The following LIPE variants were observed in gnomAD, a reference collection of about 807,000 sequenced individuals.
LIPE encodes hormone-sensitive lipase.
LIPE carries 66 observed loss-of-function variants against 88.5 expected under a neutral mutation model. The observed-to-expected ratio is 0.75, with a 90% CI of 0.61 to 0.91. The LOEUF (loss-of-function observed/expected upper bound fraction) is 0.91, where lower values mean the gene tolerates loss of function less well. Ranked by LOEUF, LIPE falls within the 40% of genes least tolerant of loss-of-function variation. LIPE has a pLI of 0.00. For missense variants in LIPE, 1,346 were observed against 1,434.7 expected (o/e 0.94, Z 1.00); for synonymous variants, 570 against 617.5 (o/e 0.92, Z 1.14).
chr19:42,401,792 C>G lies in LIPE; in HGVS notation c.*20G>C. On this transcript the variant is annotated 3_prime_UTR_variant, in exon 10 of 10. Transcript: ENST00000244289. ...AAGGCATTCATGACGGAGGCCGGCG[C>G]AGATGGGAACAACAGGCTTTTAGTG... 1 of 1,452,028 alleles carries G rather than the reference C, an allele frequency of 6.9e-7. No homozygotes were observed. The highest frequency in any genetic ancestry group is 2.6e-5 in the Admixed American group (1 of 39,074). 89.9% of individuals were successfully genotyped at this position (1,452,028 alleles called of 1,614,324 possible).
chr19:42,403,067 AGTTTGGTTGT>A (rs758473593), intron 8 of LIPE, 36 bp from the exon 9 acceptor site: 2 of 1,499,154 alleles, frequency 1.3e-6, no homozygotes, highest in South Asian at 2.6e-5. Flanking sequence ...TGGCTCCGTT[AGTTTGGTTGT>A]GTGTGTGGCT....
intron 1 of LIPE, among the ~76,000 whole-genome samples, chr19:42,415,973 T>C (rs934400717): frequency 1.3e-5 from 2 of 152,118 alleles, no homozygotes; most frequent in Non-Finnish European, 2.9e-5. Flanking sequence ...GTGAGGAAGC[T>C]GCAGAAAAAA....
intron 1 of LIPE, chr19:42,424,101 G>A (rs1205864993): frequency 8.4e-7 from 1 of 1,189,736 alleles, no homozygotes; most frequent in Admixed American, 3.6e-5. Flanking sequence ...GGAGGAGGGA[G>A]CCCCGCTTTC....
At chr19:42,404,381 C>A (rs897551074) in intron 8 of LIPE, among the ~76,000 whole-genome samples, 2 of 152,116 alleles carry the variant, frequency 1.3e-5, no homozygotes, top group Admixed American at 6.5e-5. Context: ...CAGATGCATG[C>A]CACCATGCCC....
intron 1 of LIPE, among the ~76,000 whole-genome samples, chr19:42,420,695 G>A (rs1203888149): frequency 6.6e-6 from 1 of 151,936 alleles, no homozygotes; most frequent in Non-Finnish European, 1.5e-5. Context: ...TGGTCCAGGC[G>A]GTAGCATCAT....
At chr19:42,412,670 T>G (rs1187707572) in intron 1 of LIPE, 1 of 607,362 alleles carries the variant, frequency 1.6e-6, no homozygotes, top group Non-Finnish European at 2.1e-6. Flanking sequence ...GACCCAGGAG[T>G]CCAGGCCCCC....
chr19:42,412,592 G>A, intron 1 of LIPE: 1 of 986,792 alleles, frequency 1.0e-6, no homozygotes, highest in Non-Finnish European at 1.2e-6. Flanking sequence ...CAGCTCAACT[G>A]GTAGTCCTGT....
rs770082597 is a variant in LIPE at position 42,406,361 on chromosome 19, G to A, written c.2165C>T (p.Ala722Val). The change falls in exon 7 of 10, where the codon GCG becomes GTG. Residue 722 changes from alanine to valine, a missense_variant. Physicochemically the swap from Ala to Val is moderately conservative, Grantham distance 64. Coordinates refer to ENST00000244289, the MANE Select transcript of LIPE (RefSeq NM_005357.4). This position sits in a 1 kb window ranked among gnomAD's most constrained non-coding sequence, Gnocchi z 5.7. Reference protein sequence around the residue: ...LGSTGERICLAGDSAGGNLCF... With the variant: ...LGSTGERICLVGDSAGGNLCF... ...GAGGTTCCCGCCTGCACTGTCCCCC[G>A]CAAGGCAGATTCGTTCCCCTGTTGA... 7.5e-5 allele frequency: 121 copies of A among 1,613,678 alleles called. No homozygotes were observed. The highest frequency in any genetic ancestry group is 1.6e-4 in the Middle Eastern group (1 of 6,084).
Position 42,408,627 on chromosome 19 carries a change from C to T in LIPE, c.1420-305G>A, listed in dbSNP as rs1369406089. On this transcript the variant is annotated intron_variant, in intron 2 of 9. Transcript: ENST00000244289. The surrounding 1 kb of genome is among the most constrained non-coding windows in gnomAD (Gnocchi z 4.3). ...GATGACTAGGGGTCAGGCTACTTAGCGGGTCTCGGAGGAGAGATCTGACTG... is the reference window on the plus strand; with the variant it reads ...GATGACTAGGGGTCAGGCTACTTAGTGGGTCTCGGAGGAGAGATCTGACTG... Among the ~76,000 whole-genome samples the T allele has an allele frequency of 1.3e-5, 2 of 149,904 alleles. No homozygotes were observed. The highest frequency in any genetic ancestry group is 2.5e-5 in the African/African-American group (1 of 40,770).
At chr19:42,424,191 T>C (rs560437479) in intron 1 of LIPE, 506 of 1,012,070 alleles carry the variant, frequency 5.0e-4, no homozygotes, top group Non-Finnish European at 6.5e-4. Flanking sequence ...TAATCCATGC[T>C]CCCGATAATG....
chr19:42,424,178 C>G, intron 1 of LIPE: 1 of 1,106,808 alleles, frequency 9.0e-7, no homozygotes, highest in Non-Finnish European at 1.2e-6. Context: ...TGTCTCCGCC[C>G]CCTAATCCAT....
rs534796501 is a variant in LIPE, at chr19:42,410,349, C to T, written c.1377G>A (p.Thr459=). 2.0e-5 allele frequency: 33 copies of T among 1,611,976 alleles called. No individual in the cohort carries two copies. In the South Asian group the frequency reaches 2.1e-4, roughly 10 times the overall value. The change falls in exon 2 of 10, where the codon ACG becomes ACA. Residue 459 remains threonine (T), a synonymous_variant. Coordinates refer to ENST00000244289, the MANE Select transcript of LIPE (RefSeq NM_005357.4). This position sits in a 1 kb window ranked among gnomAD's most constrained non-coding sequence, Gnocchi z 6.1. The stretch of plus-strand genomic sequence containing the variant: ...GGCCATAGAAGCATCCCTTATGCAG[C>T]GTGACATACTCCCGGAGGAAGTCGG... ...LTADFLREYV[T]LHKGCFYGRC...
chr19:42,405,764 G>C, intron 7 of LIPE: 1 of 590,820 alleles, frequency 1.7e-6, no homozygotes, highest in Non-Finnish European at 3.0e-6. Context: ...GAGCCCAGGA[G>C]TTCAAGACCA....
intron 2 of LIPE, among the ~76,000 whole-genome samples, chr19:42,409,647 C>T (rs1300404825): frequency 2.6e-5 from 4 of 152,244 alleles, no homozygotes; most frequent in African/African-American, 4.8e-5. Flanking sequence ...CCTGGCTGTG[C>T]GCCCAGTAGG....
In LIPE at chr19:42,423,367, C is replaced by T. The variant is rs369118840; in HGVS notation, c.883+2900G>A. Reference sequence around the variant, plus strand: ...CCAGTCCACGCTGTCCCCACTGCCCCGTAGGATGTACGAGGTTCCTTCCGG... The same window carrying T: ...CCAGTCCACGCTGTCCCCACTGCCCTGTAGGATGTACGAGGTTCCTTCCGG... On this transcript the variant is annotated intron_variant, in intron 1 of 9. Coordinates refer to ENST00000244289, the MANE Select transcript of LIPE (RefSeq NM_005357.4). 257 of 1,259,578 alleles carry T rather than the reference C, an allele frequency of 2.0e-4. 2 individuals are homozygous for T. In the South Asian group the frequency reaches 3.0e-3, roughly 15 times the overall value. 78.0% of individuals were successfully genotyped at this position (1,259,578 alleles called of 1,614,324 possible). A position where few individuals can be genotyped will look rare whatever the true frequency, so the allele number is the denominator to read the frequency against.
In LIPE at chr19:42,407,627, G is replaced by A. The variant is rs1393561940; in HGVS notation, c.1821C>T (p.Ser607=). 3.1e-6 allele frequency: 5 copies of A among 1,611,070 alleles called. No individual in the cohort carries two copies. The highest frequency in any genetic ancestry group is 1.3e-5 in the African/African-American group (1 of 74,874). Residue 607 remains serine, a synonymous_variant, in exon 5 of 10, where the codon TCC becomes TCT. Coordinates refer to ENST00000244289, the MANE Select transcript of LIPE (RefSeq NM_005357.4). The surrounding 1 kb of genome is among the most constrained non-coding windows in gnomAD (Gnocchi z 5.8). ...CTACCTGTCCTTCACGCAGGTCATAGGAGATGAGCCTGACGAGGACGGGCC... is the reference window on the plus strand; with the variant it reads ...CTACCTGTCCTTCACGCAGGTCATAAGAGATGAGCCTGACGAGGACGGGCC... ...GPGPVLVRLI[S]YDLREGQDSE... is the part of the protein sequence containing the mutation.
At chr19:42,405,041 AT>A in intron 8 of LIPE, among the ~76,000 whole-genome samples, 1 of 151,492 alleles carries the variant, frequency 6.6e-6, no homozygotes, top group East Asian at 2.0e-4. Flanking sequence ...CTGCTAATTT[AT>A]TTTTTTGTAG....
Position 42,407,661 on chromosome 19 carries a change from G to GT in LIPE, c.1786dup (p.Thr596AsnfsTer14). 6.2e-7 allele frequency: 1 copy of GT among 1,610,080 alleles called. No homozygotes were observed. The highest frequency in any genetic ancestry group is 8.5e-7 in the Non-Finnish European group (1 of 1,178,020). ...CCTGACGAGGACGGGCCCAGGGCCT[G>GT]TGTGGGCCAGTGGGGGTGAGATGGT... On this transcript the variant is annotated frameshift_variant, in exon 5 of 10. Transcript: ENST00000244289. LOFTEE classifies it high-confidence loss of function. The surrounding 1 kb of genome is among the most constrained non-coding windows in gnomAD (Gnocchi z 5.8).
chr19:42,426,155 G>C (rs1458006426), intron 1 of LIPE, 112 bp downstream of exon 1: 1 of 655,420 alleles, frequency 1.5e-6, no homozygotes, highest in Non-Finnish European at 2.3e-6. Flanking sequence ...TTTATCTCAG[G>C]ATTGTTGAAG....
Sources: allele counts gnomAD v4.1 joint callset (sites outside exome capture counted in the v4.1 genomes callset), GRCh38; gene constraint gnomAD v4.1.1; non-coding constraint Gnocchi (gnomAD v3.1); transcripts MANE v1.5; gene names NCBI Gene and HGNC (gene_info 2026-07-23, HGNC 2026-07-21).